PDE1B: variants seen among roughly 807,000 people sequenced by gnomAD.
PDE1B encodes the protein dual specificity calcium/calmodulin-dependent 3',5'-cyclic nucleotide phosphodiesterase 1B.
In PDE1B, 13 loss-of-function variants were observed where a neutral mutation model predicts 66.7. The ratio of observed to expected loss-of-function variants is 0.19; its 90% CI spans 0.13 to 0.31. PDE1B has a LOEUF of 0.31. PDE1B is among the 10% of genes least tolerant of loss of function. The probability of loss-of-function intolerance (pLI) is 1.00; values close to 1 mark genes in which losing one functional copy is unlikely to be tolerated. For synonymous variants in PDE1B, 230 were observed against 253.9 expected (o/e 0.91, Z 0.90); for missense variants, 485 against 682.3 (o/e 0.71, Z 3.22).
At position 54,563,801 on chromosome 12, in the gene PDE1B, T is replaced by C. The variant is rs557812784; in HGVS notation, c.114-3173T>C. On this transcript the variant is annotated intron_variant, in intron 2 of 15. Transcript: ENST00000243052. ...AGATGAACAAGTTGAGGCTCTAAGA[T>C]AAACATTCTCAAAGTTTAGTGTATA... Among the ~76,000 whole-genome samples the C allele has an allele frequency of 7.2e-5, 11 of 152,354 alleles. No homozygotes were observed. The South Asian group carries it at 2.1e-3, about 29-fold the overall frequency.
At position 54,577,247 on chromosome 12, in the gene PDE1B, T is replaced by C; in HGVS notation, c.1530T>C (p.Ile510=). The C allele has an allele frequency of 6.2e-7, 1 of 1,614,016 alleles. No individual in the cohort carries two copies. The highest frequency in any genetic ancestry group is 1.1e-5 in the South Asian group (1 of 91,064). ...AASGITNQMS[I]DELSPCEEEA... is the part of the protein sequence containing the mutation. ...CAGGCATCACCAACCAGATGTCCAT[T>C]GACGAGCTGTCCCCCTGTGAAGAAG... is the stretch of plus-strand genomic sequence containing the variant. Residue 510 remains isoleucine, a synonymous_variant, in exon 15 of 16, where the codon ATT becomes ATC. Coordinates refer to ENST00000243052, the MANE Select transcript of PDE1B (RefSeq NM_000924.4).
At chr12:54,564,964 G>A (rs1043612136) in intron 2 of PDE1B, among the ~76,000 whole-genome samples, 4 of 152,158 alleles carry the variant, frequency 2.6e-5, no homozygotes, top group Admixed American at 1.3e-4. Flanking sequence ...TTCCTTCCCC[G>A]CCTCCCTTCT....
rs1957711229 is a variant in PDE1B, at chr12:54,575,211, T to G, written c.1178T>G (p.Phe393Cys). Residue 393 changes from phenylalanine to cysteine, a missense_variant, in exon 11 of 16, where the codon TTC (phenylalanine) becomes TGC (cysteine). Around this residue, in one of 4 missense-constraint regions of PDE1B, gnomAD observed 282 missense variants for 453.4 expected, o/e 0.62. Coordinates refer to ENST00000243052, the MANE Select transcript of PDE1B (RefSeq NM_000924.4). This position sits in a 1 kb window ranked among gnomAD's most constrained non-coding sequence, Gnocchi z 4.0. ...ACCAAGGCCCTCATGGAGGAATTCT[T>G]CCGTCAGGTAGCGTGGCATCTTTGC... The part of the protein sequence containing the change: ...RWTKALMEEF[F>C]RQGDKEAELG... The G allele has an allele frequency of 6.2e-7, 1 of 1,613,398 alleles. No homozygotes were observed. Among genetic ancestry groups the G allele is most frequent in the Admixed American group, 1.7e-5 (1 of 59,962 alleles).
chr12:54,577,886 T>C lies in PDE1B; in HGVS notation c.*44T>C, dbSNP rs994408923. ...TCTTCATTGAGTCCAAAGTGTTTGA[T>C]GTCATCAGCACCATCCATCAGGACT... On this transcript the variant is annotated 3_prime_UTR_variant, in exon 16 of 16. Transcript: ENST00000243052. 8.2e-5 allele frequency: 18 copies of C among 219,060 alleles called. No individual in the cohort carries two copies. The highest frequency in any genetic ancestry group is 3.9e-4 in the African/African-American group (17 of 44,014). 13.6% of individuals were successfully genotyped at this position (219,060 alleles called of 1,614,324 possible).
chr12:54,573,115 C>A lies in PDE1B; in HGVS notation c.736-33C>A, dbSNP rs780648425. ...CCTGGGAAGTGACCAGCAGGCGTCA[C>A]CCCTCTCTCATTCTTTCTCTTTCCT... On this transcript the variant is annotated intron_variant, in intron 7 of 15. Transcript: ENST00000243052. This position sits in a 1 kb window ranked among gnomAD's most constrained non-coding sequence, Gnocchi z 5.2. 2.0e-6 allele frequency: 3 copies of A among 1,508,736 alleles called. No individual in the cohort carries two copies. The highest frequency in any genetic ancestry group is 1.8e-6 in the Non-Finnish European group (2 of 1,084,142). The allele number at this position is 1,508,736 out of a possible 1,614,324, so 93.5% of individuals were successfully genotyped here.
chr12:54,570,557 AG>A, intron 6 of PDE1B, 200 bp downstream of exon 6: 1 of 564,854 alleles, frequency 1.8e-6, no homozygotes, highest in Non-Finnish European at 3.2e-6. Flanking sequence ...ATTGATTTCT[AG>A]GGGGAGATTC....
At chr12:54,576,475 TCTC>T in intron 13 of PDE1B, 93 bp from the exon 14 acceptor site, 1 of 1,460,534 alleles carries the variant, frequency 6.8e-7, no homozygotes, top group Non-Finnish European at 9.5e-7. Flanking sequence ...CCCTGAACCT[TCTC>T]CTGGTCTTCC....
Position 54,575,595 on chromosome 12 carries a change from T to C in PDE1B, c.1230T>C (p.Cys410=). 2 of 1,613,498 alleles carry C rather than the reference T, an allele frequency of 1.2e-6. No homozygotes were observed. Among genetic ancestry groups the C allele is most frequent in the Non-Finnish European group, 8.5e-7 (1 of 1,179,664 alleles). The change falls in exon 12 of 16, where the codon TGT becomes TGC. Residue 410 remains cysteine (C), a synonymous_variant. Coordinates refer to ENST00000243052, the MANE Select transcript of PDE1B (RefSeq NM_000924.4). The surrounding 1 kb of genome is among the most constrained non-coding windows in gnomAD (Gnocchi z 4.0). ...AELGLPFSPL[C]DRTSTLVAQS... is the part of the protein sequence containing the mutation. The stretch of plus-strand genomic sequence containing the variant: ...TGGGCCTGCCCTTTTCTCCACTCTG[T>C]GACCGCACTTCCACTCTAGTGGCAC...
chr12:54,568,016 C>T (rs1388140078), intron 3 of PDE1B, among the ~76,000 whole-genome samples: 2 of 152,218 alleles, frequency 1.3e-5, no homozygotes, highest in South Asian at 2.1e-4. Flanking sequence ...CCACTACGCC[C>T]AGCTAATTTT....
chr12:54,561,629 C>T (rs935732657), intron 2 of PDE1B: 38 of 1,533,738 alleles, frequency 2.5e-5, no homozygotes, highest in Non-Finnish European at 3.2e-5. Context: ...TCCAGGGCCC[C>T]ATTCTCAGGT....
At chr12:54,562,146 T>C (rs537618476) in intron 2 of PDE1B, among the ~76,000 whole-genome samples, 1 of 152,276 alleles carries the variant, frequency 6.6e-6, no homozygotes, top group Non-Finnish European at 1.5e-5. Flanking sequence ...CCCCTACTTA[T>C]GGTGATCTTT....
chr12:54,566,462 G>A (rs1164147498), intron 2 of PDE1B, among the ~76,000 whole-genome samples: 2 of 152,170 alleles, frequency 1.3e-5, no homozygotes, highest in African/African-American at 2.4e-5. Context: ...AGGCACAGAG[G>A]GGCTGTGGAC....
At chr12:54,554,565 G>A (rs976681869) in intron 2 of PDE1B, among the ~76,000 whole-genome samples, 2 of 152,124 alleles carry the variant, frequency 1.3e-5, no homozygotes, top group Admixed American at 6.5e-5. Context: ...GAAGGTAGAG[G>A]GTAGAAAATT....
Position 54,567,169 on chromosome 12 carries a change from C to A in PDE1B, c.227+82C>A, listed in dbSNP as rs1054481812. 477 of 695,678 alleles carry A rather than the reference C, an allele frequency of 6.9e-4. 1 individual carries two copies. The highest frequency in any genetic ancestry group is 7.3e-4 in the Middle Eastern group (3 of 4,086). 43.1% of individuals were successfully genotyped at this position (695,678 alleles called of 1,614,324 possible). Reference sequence around the variant, plus strand: ...AGAGGGGTTAAGACAAAGATAGACACATGTGGCATGGACAGAGACCGGAAG... The same window carrying A: ...AGAGGGGTTAAGACAAAGATAGACAAATGTGGCATGGACAGAGACCGGAAG... On this transcript the variant is annotated intron_variant, in intron 3 of 15. Transcript: ENST00000243052.
rs1253853039 is a variant in PDE1B, at chr12:54,578,853, A to C, written c.*1011A>C. ...AACTGGCCCAGCTGCAGGCACTAAG[A>C]AGCTCCTCCCCTGAGACAAGTGAGG... On this transcript the variant is annotated 3_prime_UTR_variant, in exon 16 of 16. Coordinates refer to ENST00000243052, the MANE Select transcript of PDE1B (RefSeq NM_000924.4). 1.3e-5 allele frequency: 2 copies of C among 152,568 alleles called. No individual in the cohort carries two copies. The highest frequency in any genetic ancestry group is 2.9e-5 in the Non-Finnish European group (2 of 68,436). 9.5% of individuals were successfully genotyped at this position (152,568 alleles called of 1,614,324 possible). A position where few individuals can be genotyped will look rare whatever the true frequency, so the allele number is the denominator to read the frequency against.
Position 54,561,691 on chromosome 12 carries a change from C to G in PDE1B, c.114-5283C>G. 2.3e-6 allele frequency: 3 copies of G among 1,309,614 alleles called. No individual in the cohort carries two copies. In the South Asian group the frequency reaches 3.8e-5, roughly 17 times the overall value. 81.1% of individuals were successfully genotyped at this position (1,309,614 alleles called of 1,614,324 possible). A position where few individuals can be genotyped will look rare whatever the true frequency, so the allele number is the denominator to read the frequency against. ...GGGAGGAGGGAAAGGACAGGTTGCTCATGGATCCACCAGTTGTAGTTTAGT... is the reference window on the plus strand; with the variant it reads ...GGGAGGAGGGAAAGGACAGGTTGCTGATGGATCCACCAGTTGTAGTTTAGT... On this transcript the variant is annotated intron_variant, in intron 2 of 15. Transcript: ENST00000243052.
chr12:54,550,168 C>G (rs1957255438), intron 2 of PDE1B, 183 bp downstream of exon 2: 2 of 1,419,298 alleles, frequency 1.4e-6, no homozygotes, highest in East Asian at 5.1e-5. Context: ...ATGTGCGGAG[C>G]AAGCTGGCCA....
intron 2 of PDE1B, among the ~76,000 whole-genome samples, chr12:54,557,578 C>T (rs1332871632): frequency 6.6e-6 from 1 of 152,182 alleles, no homozygotes; most frequent in Non-Finnish European, 1.5e-5. Context: ...TTAGTAAAAT[C>T]GGGGCAGTGC....
At chr12:54,576,804 A>G (rs1957760471) in intron 14 of PDE1B, 103 bp downstream of exon 14, 1 of 1,282,730 alleles carries the variant, frequency 7.8e-7, no homozygotes, top group South Asian at 1.4e-5. Flanking sequence ...CCTTTGCCGG[A>G]CTCCTTGATT....
Sources: allele counts gnomAD v4.1 joint callset (sites outside exome capture counted in the v4.1 genomes callset), GRCh38; gene constraint gnomAD v4.1.1; regional missense constraint gnomAD v4.1.1; non-coding constraint Gnocchi (gnomAD v3.1); transcripts MANE v1.5; gene names NCBI Gene and HGNC (gene_info 2026-07-23, HGNC 2026-07-21).